FSHR: variants seen among roughly 807,000 people sequenced by gnomAD.
The protein encoded by FSHR is follicle-stimulating hormone receptor.
FSHR carries 46 observed loss-of-function variants against 52.1 expected under a neutral mutation model. The ratio of observed to expected loss-of-function variants is 0.88; its 90% confidence interval spans 0.70 to 1.13. The LOEUF is 1.13. FSHR is among the 50% of genes most tolerant of loss of function. The probability of loss-of-function intolerance (pLI) is 0.00; values close to 1 mark genes in which losing one functional copy is unlikely to be tolerated. For missense variants in FSHR, 964 were observed against 834.6 expected (o/e 1.16, Z -1.91); for synonymous variants, 399 against 309.6 (o/e 1.29, Z -3.03).
chr2:49,042,907 G>A (rs1322832958), intron 2 of FSHR, among the ~76,000 whole-genome samples: 1 of 152,160 alleles, frequency 6.6e-6, no homozygotes, highest in Non-Finnish European at 1.5e-5. Context: ...TAAACTTACT[G>A]ACCAGGCACC....
chr2:48,976,357 GC>G (rs1156355470), intron 8 of FSHR, among the ~76,000 whole-genome samples: 13 of 152,310 alleles, frequency 8.5e-5, no homozygotes, highest in Middle Eastern at 3.4e-3. Flanking sequence ...TGGTGGATAA[GC>G]TTTTTGATGT....
intron 1 of FSHR, among the ~76,000 whole-genome samples, chr2:49,141,528 A>C (rs1263204989): frequency 1.3e-5 from 2 of 152,122 alleles, no homozygotes; most frequent in African/African-American, 4.8e-5. Flanking sequence ...AACAGCACCA[A>C]GCCATGAAGG....
At chr2:48,981,896 G>A (rs544105807) in intron 8 of FSHR, among the ~76,000 whole-genome samples, 4 of 152,290 alleles carry the variant, frequency 2.6e-5, no homozygotes, top group South Asian at 2.1e-4. Context: ...GCTTCTAAAC[G>A]CCTGACTTGA....
chr2:49,002,298 C>T (rs1414126885), intron 4 of FSHR, among the ~76,000 whole-genome samples: 2 of 152,168 alleles, frequency 1.3e-5, no homozygotes, highest in Admixed American at 1.3e-4. Context: ...CACCCAGTTT[C>T]ATCTTGCCCC....
At chr2:49,146,162 G>T (rs972173524) in intron 1 of FSHR, among the ~76,000 whole-genome samples, 1 of 152,078 alleles carries the variant, frequency 6.6e-6, no homozygotes, top group Non-Finnish European at 1.5e-5. Flanking sequence ...AAGATGGAAA[G>T]CTCAAAGACC....
At chr2:49,102,186 C>G (rs1572746738) in intron 1 of FSHR, among the ~76,000 whole-genome samples, 1 of 151,970 alleles carries the variant, frequency 6.6e-6, no homozygotes, top group African/African-American at 2.4e-5. Context: ...GGCTATTTGC[C>G]CAGATGTGTG....
intron 1 of FSHR, among the ~76,000 whole-genome samples, chr2:49,084,544 A>G (rs1325212133): frequency 3.9e-5 from 6 of 152,226 alleles, no homozygotes; most frequent in Non-Finnish European, 8.8e-5. Flanking sequence ...CAAAAAATTA[A>G]TGAATCCAGG....
chr2:49,083,099 G>T (rs1670240251), intron 1 of FSHR, among the ~76,000 whole-genome samples: 1 of 151,628 alleles, frequency 6.6e-6, no homozygotes, highest in Admixed American at 6.6e-5. Context: ...CAGAGAGAAA[G>T]GTCGGGTTAC....
intron 4 of FSHR, among the ~76,000 whole-genome samples, chr2:49,009,471 G>A (rs1350298704): frequency 8.2e-5 from 12 of 146,854 alleles, no homozygotes; most frequent in African/African-American, 3.0e-4. Flanking sequence ...GATGCCTCCA[G>A]CTTTGTTCTT....
intron 1 of FSHR, among the ~76,000 whole-genome samples, chr2:49,115,640 T>C (rs555824840): frequency 2.4e-4 from 36 of 152,146 alleles, no homozygotes; most frequent in Non-Finnish European, 4.4e-4. Context: ...ACAGTCTTCT[T>C]AAATCATGCT....
intron 2 of FSHR, among the ~76,000 whole-genome samples, chr2:49,028,084 C>T (rs1272009597): frequency 1.3e-5 from 2 of 151,978 alleles, no homozygotes; most frequent in African/African-American, 4.8e-5. Flanking sequence ...TGTGACCTGA[C>T]ACTTTTGGCA....
intron 1 of FSHR, among the ~76,000 whole-genome samples, chr2:49,109,547 C>A (rs1671351313): frequency 6.6e-6 from 1 of 152,062 alleles, no homozygotes; most frequent in Admixed American, 6.6e-5. Context: ...TTGTTCTGTT[C>A]ATAGAAAGGG....
At chr2:48,985,523 G>A (rs933591598) in intron 6 of FSHR, among the ~76,000 whole-genome samples, 1 of 151,992 alleles carries the variant, frequency 6.6e-6, no homozygotes, top group Admixed American at 6.6e-5. Context: ...GGCACAGTGC[G>A]GGTGCAGAAG....
At chr2:49,068,119 A>G (rs1669578880) in intron 2 of FSHR, 100 bp downstream of exon 2, 13 of 888,934 alleles carry the variant, frequency 1.5e-5, no homozygotes, top group Non-Finnish European at 2.5e-5. Context: ...TGACCATGTC[A>G]GTTCGGCTAC....
intron 1 of FSHR, among the ~76,000 whole-genome samples, chr2:49,104,792 C>A (rs1671163680): frequency 6.6e-6 from 1 of 151,582 alleles, no homozygotes; most frequent in Admixed American, 6.6e-5. Flanking sequence ...CCCATCCCAG[C>A]CCAGTATTTC....
chr2:48,987,533 G>A lies in FSHR; in HGVS notation c.524+1444C>T, dbSNP rs555838151. ...CTGATTATTTTTATTTTTATAAAAG[G>A]CAGGTGCTCTTCCTGGTCTTGATTA... is the stretch of plus-strand genomic sequence containing the variant. On this transcript the variant is annotated intron_variant, in intron 6 of 9. Coordinates refer to ENST00000406846, the MANE Select transcript of FSHR (RefSeq NM_000145.4). Among the ~76,000 whole-genome samples, 14 of 152,086 alleles carry A rather than the reference G, an allele frequency of 9.2e-5. No homozygotes were observed. The South Asian group carries it at 2.5e-3, about 27-fold the overall frequency.
At chr2:49,140,639 G>A (rs1373777616) in intron 1 of FSHR, among the ~76,000 whole-genome samples, 1 of 151,896 alleles carries the variant, frequency 6.6e-6, no homozygotes, top group African/African-American at 2.4e-5. Flanking sequence ...GGCAGAGGTT[G>A]CAGTGAGCTG....
At chr2:49,003,995 G>A (rs1408441578) in intron 4 of FSHR, among the ~76,000 whole-genome samples, 2 of 152,168 alleles carry the variant, frequency 1.3e-5, no homozygotes, top group African/African-American at 2.4e-5. Context: ...CTCCCAATAT[G>A]AGGCTTTAGT....
chr2:48,998,658 A>C (rs577739607), intron 4 of FSHR, among the ~76,000 whole-genome samples: 4 of 152,148 alleles, frequency 2.6e-5, no homozygotes, highest in African/African-American at 9.6e-5. Context: ...CTCAGCGACT[A>C]TAGGTATGGA....
Sources: allele counts gnomAD v4.1 joint callset (sites outside exome capture counted in the v4.1 genomes callset), GRCh38; gene constraint gnomAD v4.1.1; transcripts MANE v1.5; gene names NCBI Gene and HGNC (gene_info 2026-07-23, HGNC 2026-07-21).